Variants in COL27A1 observed in about 807,000 individuals in gnomAD.
The protein encoded by COL27A1 is collagen alpha-1(XXVII) chain.
Under a neutral mutation model 251.3 loss-of-function variants are expected in COL27A1, and 106 were observed. The ratio of observed to expected loss-of-function variants is 0.42; its 90% CI spans 0.36 to 0.50. The LOEUF (loss-of-function observed/expected upper bound fraction) is 0.50, where lower values mean the gene tolerates loss of function less well. Ranked by LOEUF, COL27A1 falls within the 20% of genes least tolerant of loss-of-function variation. COL27A1 has a pLI of 0.00. For missense variants in COL27A1, 2,325 were observed against 2,522.8 expected, an observed-to-expected ratio of 0.92 and a Z score of 1.68; for synonymous variants, 1,000 against 986.3, an observed-to-expected ratio of 1.01 and a Z score of -0.26.
chr9:114,167,615 C>A, intron 2 of COL27A1, 74 bp from the exon 3 acceptor site: 1 of 1,315,606 alleles, frequency 7.6e-7, no homozygotes, highest in Non-Finnish European at 1.1e-6. Flanking sequence ...TGCCTGTGCC[C>A]CTTAGGGGGT....
At chr9:114,181,218 T>C (rs960720686) in intron 4 of COL27A1, among the ~76,000 whole-genome samples, 1 of 152,114 alleles carries the variant, frequency 6.6e-6, no homozygotes. Flanking sequence ...TCTCGATGCT[T>C]CCAGGTTCTG....
intron 7 of COL27A1, 79 bp from the exon 8 acceptor site, chr9:114,205,023 G>C: frequency 7.1e-7 from 1 of 1,405,034 alleles, no homozygotes; most frequent in Non-Finnish European, 1.0e-6. Context: ...AACAGGGCAG[G>C]CCGGGAGGCT....
At chr9:114,245,986 AC>A in intron 24 of COL27A1, 76 bp downstream of exon 24, 1 of 1,284,764 alleles carries the variant, frequency 7.8e-7, no homozygotes, top group Non-Finnish European at 1.1e-6. Context: ...TTTGCCCAGC[AC>A]CCTCCATGCA....
At chr9:114,275,325 A>G (rs1017108321) in intron 36 of COL27A1, among the ~76,000 whole-genome samples, 1 of 151,986 alleles carries the variant, frequency 6.6e-6, no homozygotes, top group Admixed American at 6.6e-5. Context: ...TAAGTTGGAG[A>G]GAAATTGCCC....
chr9:114,184,199 C>T (rs1384035010), intron 5 of COL27A1, among the ~76,000 whole-genome samples: 1 of 152,182 alleles, frequency 6.6e-6, no homozygotes, highest in Non-Finnish European at 1.5e-5. Flanking sequence ...TGAAGAGCAC[C>T]CCCGTGCTTT....
In COL27A1 at chr9:114,301,711, C is replaced by A; in HGVS notation, c.4839C>A (p.Gly1613=). 1 of 1,611,102 alleles carries A rather than the reference C, an allele frequency of 6.2e-7. No homozygotes were observed. Among genetic ancestry groups the A allele is most frequent in the South Asian group, 1.1e-5 (1 of 90,744 alleles). Residue 1613 remains glycine, a synonymous_variant, in exon 55 of 61, where the codon GGC becomes GGA. Transcript: ENST00000356083. ...RGPPGPRGRP[G]PPGPPGGPIQ... ...CTCCCGGCCCCAGAGGGCGGCCCGG[C>A]CCCCCGGTAGGTAACTGAGTGCTGG...
rs370181634 is a variant in COL27A1 at position 114,283,703 on chromosome 9, T to C, written c.3880-6T>C. The stretch of plus-strand genomic sequence containing the variant: ...CCATACCAACGAGGGTCTCCTCCTC[T>C]TGTAGGGTGCTCCGGGACGCATGGG... On this transcript the variant is annotated splice_polypyrimidine_tract_variant and splice_region_variant and intron_variant, in intron 39 of 60. Coordinates refer to ENST00000356083, the MANE Select transcript of COL27A1 (RefSeq NM_032888.4). 1.9e-6 allele frequency: 3 copies of C among 1,613,844 alleles called. No homozygotes were observed. The highest frequency in any genetic ancestry group is 2.5e-6 in the Non-Finnish European group (3 of 1,179,924).
intron 14 of COL27A1, among the ~76,000 whole-genome samples, chr9:114,223,661 A>G (rs1444509094): frequency 1.3e-5 from 2 of 152,150 alleles, no homozygotes; most frequent in Admixed American, 6.5e-5. Context: ...GGCTAAGAGA[A>G]CAGTTTCTGG....
intron 27 of COL27A1, among the ~76,000 whole-genome samples, chr9:114,256,423 G>T (rs1237720252): frequency 2.0e-5 from 3 of 152,212 alleles, no homozygotes; most frequent in African/African-American, 7.2e-5. Context: ...AACCTGGGAG[G>T]CGGAGCTTGC....
At chr9:114,243,289 G>A (rs886559051) in intron 22 of COL27A1, among the ~76,000 whole-genome samples, 3 of 152,308 alleles carry the variant, frequency 2.0e-5, no homozygotes, top group African/African-American at 7.2e-5. Flanking sequence ...GACCAACCCA[G>A]GGATGGGGGA....
rs1015118461 is a variant in COL27A1 at position 114,215,704 on chromosome 9, G to A, written c.2368-4087G>A. Reference sequence around the variant, plus strand: ...CAGGAACTTCCAGGCCTTGGAGAATGTCCACCTGGTAAGAAGTTCTCCAAG... The same window carrying A: ...CAGGAACTTCCAGGCCTTGGAGAATATCCACCTGGTAAGAAGTTCTCCAAG... On this transcript the variant is annotated intron_variant, in intron 12 of 60. Coordinates refer to ENST00000356083, the MANE Select transcript of COL27A1 (RefSeq NM_032888.4). Among the ~76,000 whole-genome samples the A allele has an allele frequency of 2.1e-4, 32 of 151,968 alleles. 3 individuals are homozygous for A. Among genetic ancestry groups the A allele is most frequent in the Admixed American group, 1.8e-3 (27 of 15,280 alleles).
At chr9:114,156,917 C>G (rs149711442) in intron 1 of COL27A1, among the ~76,000 whole-genome samples, 56 of 152,210 alleles carry the variant, frequency 3.7e-4, no homozygotes, top group Admixed American at 9.8e-4. Flanking sequence ...CCATCCTGCC[C>G]CCAGGACACC....
chr9:114,272,824 A>C (rs1172330763), intron 36 of COL27A1: 1 of 152,126 alleles, frequency 6.6e-6, no homozygotes, highest in Non-Finnish European at 1.5e-5. Context: ...GCATAACCCG[A>C]GGGTTGAGGG....
intron 49 of COL27A1, among the ~76,000 whole-genome samples, chr9:114,295,013 T>C (rs910873532): frequency 4.6e-5 from 7 of 152,228 alleles, no homozygotes; most frequent in Admixed American, 1.3e-4. Context: ...TATGCACAAA[T>C]GAATTGTGAT....
Position 114,168,440 on chromosome 9 carries a change from C to A in COL27A1, c.885C>A (p.Ala295=). 6.2e-7 allele frequency: 1 copy of A among 1,613,886 alleles called. No individual in the cohort carries two copies. The highest frequency in any genetic ancestry group is 1.7e-5 in the Admixed American group (1 of 60,030). The change falls in exon 3 of 61, where the codon GCC becomes GCA. Residue 295 remains alanine, a synonymous_variant. Coordinates refer to ENST00000356083, the MANE Select transcript of COL27A1 (RefSeq NM_032888.4). The part of the protein sequence containing the change: ...GRGPRGTVAP[A]TPTKPQRTSP... ...GACCCAGGGGGACTGTGGCACCCGC[C>A]ACGCCCACCAAGCCCCAAAGGACTA...
intron 24 of COL27A1, 78 bp from the exon 25 acceptor site, chr9:114,250,537 A>G: frequency 7.4e-7 from 1 of 1,359,422 alleles, no homozygotes; most frequent in South Asian, 1.2e-5. Context: ...CTGGGAGATG[A>G]GCTTCAGGGG....
chr9:114,302,878 A>G (rs868512427), intron 56 of COL27A1, among the ~76,000 whole-genome samples: 5 of 152,152 alleles, frequency 3.3e-5, no homozygotes, highest in African/African-American at 1.2e-4. Context: ...CACGGTGGCT[A>G]CACGACTATT....
At chr9:114,201,519 G>A (rs557937201) in intron 7 of COL27A1, among the ~76,000 whole-genome samples, 6 of 152,156 alleles carry the variant, frequency 3.9e-5, no homozygotes, top group Non-Finnish European at 7.3e-5. Flanking sequence ...GGGTGTTCAC[G>A]GCAATGTTCA....
intron 37 of COL27A1, among the ~76,000 whole-genome samples, chr9:114,280,796 C>A (rs1347077844): frequency 6.6e-6 from 1 of 152,170 alleles, no homozygotes; most frequent in Non-Finnish European, 1.5e-5. Flanking sequence ...TTTGGGATAG[C>A]GTCATCTTTT....
Sources: allele counts gnomAD v4.1 joint callset (sites outside exome capture counted in the v4.1 genomes callset), GRCh38; gene constraint gnomAD v4.1.1; transcripts MANE v1.5; gene names NCBI Gene and HGNC (gene_info 2026-07-23, HGNC 2026-07-21).